The following DAB1 variants were observed in gnomAD, a reference collection of about 807,000 sequenced individuals.
The protein encoded by DAB1 is disabled homolog 1.
A neutral mutation model predicts 64.6 loss-of-function variants in DAB1; 15 were observed. The ratio of observed to expected loss-of-function variants is 0.23; its 90% CI spans 0.16 to 0.36. DAB1 has a LOEUF of 0.36. Among genes scored for constraint, DAB1 ranks in the 10% least tolerant of loss-of-function variants. The pLI is 1.00. For synonymous variants in DAB1, 235 were observed against 251.9 expected, an observed-to-expected ratio of 0.93 and a Z score of 0.64; for missense variants, 596 against 706.7, an observed-to-expected ratio of 0.84 and a Z score of 1.78.
chr1:57,763,321 C>A (rs1221252975), intron 6 of DAB1, among the ~76,000 whole-genome samples: 1 of 152,140 alleles, frequency 6.6e-6, no homozygotes, highest in Non-Finnish European at 1.5e-5. Flanking sequence ...GCAGTCTGCA[C>A]TGTAGGGAAT....
At chr1:57,793,814 G>C (rs2101862272) in intron 6 of DAB1, among the ~76,000 whole-genome samples, 1 of 152,296 alleles carries the variant, frequency 6.6e-6, no homozygotes, top group Admixed American at 6.5e-5. Context: ...TAGGCTTTTA[G>C]TAAGAGGACT....
intron 7 of DAB1, among the ~76,000 whole-genome samples, chr1:57,597,199 G>T (rs1645521292): frequency 6.6e-6 from 1 of 152,090 alleles, no homozygotes; most frequent in Non-Finnish European, 1.5e-5. Flanking sequence ...TATCAGAAAG[G>T]CCTAATCAAA....
chr1:57,777,162 AT>A (rs1469374766), intron 6 of DAB1, among the ~76,000 whole-genome samples: 9 of 49,720 alleles, frequency 1.8e-4, no homozygotes, highest in Non-Finnish European at 2.5e-4. Flanking sequence ...TTTTTTTTGG[AT>A]TAAAAAAAAT....
intron 7 of DAB1, among the ~76,000 whole-genome samples, chr1:57,464,059 C>T (rs1686877237): frequency 6.6e-6 from 1 of 152,112 alleles, no homozygotes; most frequent in African/African-American, 2.4e-5. Context: ...CTTCGATCCT[C>T]AATAAATGAA....
chr1:58,461,647 G>GTAT (rs1295179375), intron 3 of DAB1, among the ~76,000 whole-genome samples: 5 of 152,188 alleles, frequency 3.3e-5, no homozygotes, highest in Admixed American at 2.0e-4. Flanking sequence ...ACACATCAAA[G>GTAT]GATATGGAGC....
intron 4 of DAB1, among the ~76,000 whole-genome samples, chr1:58,170,010 C>T (rs1328051279): frequency 6.6e-6 from 1 of 152,168 alleles, no homozygotes; most frequent in Non-Finnish European, 1.5e-5. Context: ...GGAGAGATGT[C>T]ATGCTATTAT....
intron 1 of DAB1, among the ~76,000 whole-genome samples, chr1:57,308,205 C>A (rs903202192): frequency 6.6e-6 from 1 of 152,188 alleles, no homozygotes; most frequent in African/African-American, 2.4e-5. Flanking sequence ...AATGAGCCAG[C>A]CTTGATTAGG....
At chr1:57,066,304 A>AT (rs1267051849) in intron 8 of DAB1, among the ~76,000 whole-genome samples, 7 of 152,080 alleles carry the variant, frequency 4.6e-5, no homozygotes, top group Non-Finnish European at 7.4e-5. Flanking sequence ...GGGGAACTTG[A>AT]TTTTCTTATG....
At chr1:58,071,410 G>GTGTGTGTGTGTGTGT (rs1553157602) in intron 5 of DAB1, 1 of 151,076 alleles carries the variant, frequency 6.6e-6, no homozygotes, top group African/African-American at 2.8e-5. Context: ...GTGTGTGGGT[G>GTGTGTGTGTGTGTGT]GGGAGAGACT....
intron 2 of DAB1, among the ~76,000 whole-genome samples, chr1:58,509,840 G>C (rs1646047011): frequency 1.3e-5 from 2 of 151,728 alleles, no homozygotes; most frequent in Admixed American, 6.6e-5. Context: ...ACCATACAAA[G>C]GATCATAAGA....
chr1:57,392,357 G>A (rs1490383950), intron 1 of DAB1, among the ~76,000 whole-genome samples: 8 of 152,154 alleles, frequency 5.3e-5, no homozygotes. Flanking sequence ...GGGTGACAGA[G>A]CGAGACTGTC....
intron 7 of DAB1, among the ~76,000 whole-genome samples, chr1:57,633,975 A>T (rs746862831): frequency 5.9e-5 from 9 of 152,250 alleles, no homozygotes; most frequent in African/African-American, 1.2e-4. Flanking sequence ...ACAAGAGTCA[A>T]TTGAGACCAG....
chr1:57,219,264 AACAC>A (rs60049165), intron 2 of DAB1, among the ~76,000 whole-genome samples: 5,766 of 149,612 alleles, frequency 0.039, 178 homozygotes, highest in African/African-American at 0.087. Flanking sequence ...GAGGCATTTC[AACAC>A]ACACACACAC....
intron 5 of DAB1, among the ~76,000 whole-genome samples, chr1:58,071,160 G>A (rs1013431893): frequency 1.2e-4 from 19 of 152,240 alleles, no homozygotes; most frequent in South Asian, 4.1e-4. Context: ...AGGAGGAAAC[G>A]AGGAAAATCT....
intron 2 of DAB1, among the ~76,000 whole-genome samples, chr1:57,252,140 A>G (rs1669389267): frequency 6.6e-6 from 1 of 152,240 alleles, no homozygotes; most frequent in Non-Finnish European, 1.5e-5. Flanking sequence ...AATTCCATTT[A>G]TGTCCAATGT....
intron 1 of DAB1, among the ~76,000 whole-genome samples, chr1:57,877,041 G>T (rs925300557): frequency 6.6e-6 from 1 of 152,122 alleles, no homozygotes; most frequent in East Asian, 1.9e-4. Context: ...ATATATGTGT[G>T]TGTGAATATG....
At chr1:58,213,525 T>C (rs1658674931) in intron 4 of DAB1, among the ~76,000 whole-genome samples, 1 of 152,018 alleles carries the variant, frequency 6.6e-6, no homozygotes, top group Admixed American at 6.6e-5. Flanking sequence ...GAAGAGCCCC[T>C]TATAAAACCA....
At chr1:58,534,138 G>C (rs369333392) in intron 1 of DAB1, 3 of 868,560 alleles carry the variant, frequency 3.5e-6, no homozygotes, top group Non-Finnish European at 6.0e-6. Context: ...ATTACAATGC[G>C]TTTGAGAACA....
intron 4 of DAB1, among the ~76,000 whole-genome samples, chr1:58,184,302 A>C (rs1053725627): frequency 2.7e-5 from 4 of 148,308 alleles, no homozygotes; most frequent in Non-Finnish European, 5.9e-5. Context: ...ATAACATAAT[A>C]ATATATATTA....
Sources: gnomAD v4.1 joint callset for allele counts (sites outside exome capture counted in the v4.1 genomes callset) on GRCh38, gnomAD v4.1.1 for gene constraint, MANE v1.5 for transcripts, NCBI Gene and HGNC (gene_info 2026-07-23, HGNC 2026-07-21) for gene names.